The following EXOC4 variants were observed in gnomAD, a reference collection of about 807,000 sequenced individuals.
EXOC4 encodes exocyst complex component 4, also known as SEC8-like 1.
A neutral mutation model predicts 107.2 loss-of-function variants in EXOC4; 71 were observed. The observed-to-expected ratio is 0.66, with a 90% CI of 0.55 to 0.81. The LOEUF (loss-of-function observed/expected upper bound fraction) is 0.81, where lower values mean the gene tolerates loss of function less well. Among genes scored for constraint, EXOC4 ranks in the 30% least tolerant of loss-of-function variants. The probability of loss-of-function intolerance (pLI) is 0.00; values close to 1 mark genes in which losing one functional copy is unlikely to be tolerated. For missense variants in EXOC4, 1,108 were observed against 1,189.6 expected (o/e 0.93, Z 1.01); for synonymous variants, 456 against 441.2 (o/e 1.03, Z -0.42).
chr7:133,361,716 T>G (rs2150667346), intron 6 of EXOC4, among the ~76,000 whole-genome samples: 1 of 152,332 alleles, frequency 6.6e-6, no homozygotes, highest in South Asian at 2.1e-4. Context: ...TGGATTTGCA[T>G]TTTTATTGTA....
chr7:133,576,401 C>G, intron 9 of EXOC4: 1 of 1,035,338 alleles, frequency 9.7e-7, no homozygotes, highest in Non-Finnish European at 1.2e-6. Flanking sequence ...TCTGTTGTCT[C>G]CGTCACAGTC....
At chr7:133,699,371 C>T (rs1216715316) in intron 10 of EXOC4, among the ~76,000 whole-genome samples, 8 of 152,080 alleles carry the variant, frequency 5.3e-5, no homozygotes, top group African/African-American at 1.2e-4. Context: ...AAGACCAACT[C>T]GCCAAAGAGT....
chr7:133,440,089 C>G (rs1255402498), intron 7 of EXOC4, among the ~76,000 whole-genome samples: 1 of 152,158 alleles, frequency 6.6e-6, no homozygotes, highest in East Asian at 1.9e-4. Flanking sequence ...CTCTCCCACC[C>G]CCACAGGGAC....
At position 133,789,847 on chromosome 7, in the gene EXOC4, C is replaced by T. The variant is rs934752192; in HGVS notation, c.1515-27478C>T. 6.6e-5 allele frequency among the ~76,000 whole-genome samples: 10 copies of T among 151,620 alleles called. No individual in the cohort carries two copies. In the East Asian group the frequency reaches 1.7e-3, roughly 26 times the overall value. ...TATACAAGGTGTGCATTTTAACCAT[C>T]ACAGCCATATTATACTGACTTACTT... On this transcript the variant is annotated intron_variant, in intron 10 of 17. Coordinates refer to ENST00000253861, the MANE Select transcript of EXOC4 (RefSeq NM_021807.4).
At chr7:133,323,176 C>T (rs1795154786) in intron 5 of EXOC4, among the ~76,000 whole-genome samples, 1 of 152,128 alleles carries the variant, frequency 6.6e-6, no homozygotes, top group Non-Finnish European at 1.5e-5. Flanking sequence ...ATTGGACTTC[C>T]TCTTTTCCTA....
At chr7:133,604,043 C>T (rs1355271066) in intron 9 of EXOC4, among the ~76,000 whole-genome samples, 1 of 149,484 alleles carries the variant, frequency 6.7e-6, no homozygotes, top group African/African-American at 2.5e-5. Context: ...TTGTTAAAAA[C>T]TAGGATATAA....
At chr7:133,884,581 CTGTGTGTGTGTGTGTGTG>C (rs34350149) in intron 11 of EXOC4, among the ~76,000 whole-genome samples, 6 of 143,632 alleles carry the variant, frequency 4.2e-5, no homozygotes, top group African/African-American at 5.2e-5. Flanking sequence ...GCCCTATGCT[CTGTGTGTGTGTGTGTGTG>C]TGTGTGTGTG....
At chr7:133,325,365 TG>T (rs1293692883) in intron 5 of EXOC4, among the ~76,000 whole-genome samples, 27 of 152,314 alleles carry the variant, frequency 1.8e-4, no homozygotes, top group Middle Eastern at 6.8e-3. Flanking sequence ...TTCCTTTCCA[TG>T]TTTAGTGCTT....
chr7:133,378,900 G>A (rs1433536842), intron 7 of EXOC4, among the ~76,000 whole-genome samples: 3 of 151,754 alleles, frequency 2.0e-5, no homozygotes, highest in South Asian at 2.1e-4. Context: ...GACATAAATC[G>A]ACCAGATACT....
chr7:133,457,193 A>G (rs552710025), intron 7 of EXOC4, among the ~76,000 whole-genome samples: 6 of 152,308 alleles, frequency 3.9e-5, no homozygotes, highest in African/African-American at 1.2e-4. Context: ...AAAGGCACAG[A>G]TGTTGGAATG....
At chr7:134,089,388 A>G in the EXOC4 span, among the ~76,000 whole-genome samples, 2 of 152,326 alleles carry the variant, frequency 1.3e-5, no homozygotes, top group South Asian at 2.1e-4. Context: ...TCTCAAATAC[A>G]TGTTACACTA....
intron 10 of EXOC4, among the ~76,000 whole-genome samples, chr7:133,790,509 T>C (rs567314123): frequency 6.6e-6 from 1 of 152,368 alleles, no homozygotes; most frequent in East Asian, 1.9e-4. Context: ...GCTGGAAATA[T>C]GTGGAAGTAA....
At chr7:133,266,890 TC>T (rs1332981158) in intron 1 of EXOC4, among the ~76,000 whole-genome samples, 1 of 152,128 alleles carries the variant, frequency 6.6e-6, no homozygotes, top group African/African-American at 2.4e-5. Context: ...GGAACTGGAG[TC>T]CATATTTTTT....
chr7:133,810,596 C>T (rs62470391), intron 10 of EXOC4, among the ~76,000 whole-genome samples: 38,607 of 103,444 alleles, frequency 0.37, 5,759 homozygotes, highest in South Asian at 0.48. Context: ...CCATGCTTTG[C>T]TTTATTTTAT....
At chr7:133,334,845 T>G (rs1795475422) in intron 5 of EXOC4, among the ~76,000 whole-genome samples, 1 of 152,208 alleles carries the variant, frequency 6.6e-6, no homozygotes, top group Non-Finnish European at 1.5e-5. Context: ...GTTCCTGCGT[T>G]AGTTTGCTAT....
chr7:133,773,027 A>C (rs1275912049), intron 10 of EXOC4, among the ~76,000 whole-genome samples: 1 of 151,998 alleles, frequency 6.6e-6, no homozygotes, highest in Non-Finnish European at 1.5e-5. Context: ...GACTCCAAGC[A>C]ACCTTACGTT....
intron 7 of EXOC4, among the ~76,000 whole-genome samples, chr7:133,375,632 G>C (rs1355284885): frequency 6.6e-6 from 1 of 151,960 alleles, no homozygotes; most frequent in South Asian, 2.1e-4. Context: ...ATATTCTTAA[G>C]CATTATTTTA....
chr7:133,499,713 T>C (rs1799541615), intron 9 of EXOC4, among the ~76,000 whole-genome samples: 1 of 152,120 alleles, frequency 6.6e-6, no homozygotes, highest in African/African-American at 2.4e-5. Flanking sequence ...TCGTGTAAGC[T>C]TTAGCACCAT....
At chr7:133,756,856 C>A (rs1795928248) in intron 10 of EXOC4, among the ~76,000 whole-genome samples, 1 of 152,092 alleles carries the variant, frequency 6.6e-6, no homozygotes, top group African/African-American at 2.4e-5. Context: ...AAAATGAGTT[C>A]AATATATCTG....
Sources: gnomAD v4.1 joint callset for allele counts (sites outside exome capture counted in the v4.1 genomes callset) on GRCh38, gnomAD v4.1.1 for gene constraint, MANE v1.5 for transcripts, NCBI Gene and HGNC (gene_info 2026-07-23, HGNC 2026-07-21) for gene names.